HIVEP3: variants seen among roughly 807,000 people sequenced by gnomAD.
HIVEP3 encodes HIVEP zinc finger 3.
Under a neutral mutation model 152.8 loss-of-function variants are expected in HIVEP3, and 49 were observed. The observed-to-expected ratio is 0.32, with a 90% CI of 0.26 to 0.41. The LOEUF (loss-of-function observed/expected upper bound fraction) is 0.41. HIVEP3 is among the 10% of genes least tolerant of loss of function. The pLI, the probability that HIVEP3 is intolerant of heterozygous loss-of-function variation, is 1.00. For missense variants in HIVEP3, 2,790 were observed against 3,103.3 expected (o/e 0.90, Z 2.40); for synonymous variants, 1,269 against 1,289.0 (o/e 0.98, Z 0.33).
chr1:41,976,201 G>A (rs1184740404), intron 1 of HIVEP3, among the ~76,000 whole-genome samples: 4 of 152,204 alleles, frequency 2.6e-5, no homozygotes, highest in Admixed American at 2.6e-4. Context: ...CACCACTCTT[G>A]CCGTACCTTT....
intron 5 of HIVEP3, among the ~76,000 whole-genome samples, chr1:41,527,870 G>A (rs11811391): frequency 0.029 from 1,644 of 57,198 alleles, 46 homozygotes; most frequent in African/African-American, 0.1. Context: ...CACCCCTGTC[G>A]TCACACATTC....
intron 2 of HIVEP3, among the ~76,000 whole-genome samples, chr1:41,681,705 T>C (rs372497410): frequency 7.2e-4 from 110 of 152,262 alleles, no homozygotes; most frequent in African/African-American, 2.3e-3. Context: ...CCTAATGGGA[T>C]GGGCAAGTGA....
upstream of HIVEP3, among the ~76,000 whole-genome samples, chr1:41,922,737 A>G (rs973066514): frequency 6.6e-6 from 1 of 152,084 alleles, no homozygotes; most frequent in African/African-American, 2.4e-5. Context: ...ACTTCCATAT[A>G]ATTATAACAA....
chr1:41,667,324 T>C (rs1013975583), intron 2 of HIVEP3, among the ~76,000 whole-genome samples: 2 of 152,240 alleles, frequency 1.3e-5, no homozygotes, highest in Non-Finnish European at 2.9e-5. Context: ...TGGAATAGTT[T>C]TCCCCAAATG....
intron 1 of HIVEP3, among the ~76,000 whole-genome samples, chr1:41,999,029 G>A (rs140755029): frequency 1.7e-3 from 261 of 150,194 alleles, no homozygotes; most frequent in East Asian, 8.1e-3. Context: ...CCAAGAAGCT[G>A]GGACTACAGG....
chr1:41,901,729 G>C (rs1374069494), intron 1 of HIVEP3, among the ~76,000 whole-genome samples: 1 of 152,134 alleles, frequency 6.6e-6, no homozygotes, highest in East Asian at 1.9e-4. Context: ...GCATGCAAGG[G>C]CTGAAGCGGA....
intron 1 of HIVEP3, among the ~76,000 whole-genome samples, chr1:41,812,934 T>C (rs1190003934): frequency 6.6e-6 from 1 of 152,134 alleles, no homozygotes; most frequent in African/African-American, 2.4e-5. Flanking sequence ...TTTCTGGACC[T>C]GGTAAAGTGC....
intron 2 of HIVEP3, among the ~76,000 whole-genome samples, chr1:41,635,124 T>C (rs1645249867): frequency 6.6e-6 from 1 of 152,106 alleles, no homozygotes; most frequent in Non-Finnish European, 1.5e-5. Flanking sequence ...AAATTAGACA[T>C]TAACAAATAG....
chr1:41,795,349 T>C (rs1272748315), intron 1 of HIVEP3, among the ~76,000 whole-genome samples: 1 of 152,262 alleles, frequency 6.6e-6, no homozygotes, highest in Non-Finnish European at 1.5e-5. Context: ...TGTGGGTTTT[T>C]GGAGGAATGT....
At chr1:41,905,719 A>T (rs1026735791) in intron 1 of HIVEP3, among the ~76,000 whole-genome samples, 3 of 152,200 alleles carry the variant, frequency 2.0e-5, no homozygotes, top group Non-Finnish European at 2.9e-5. Context: ...AGGGTGTCAA[A>T]CAGGTCAACA....
chr1:41,919,956 G>A (rs1644927135), upstream of HIVEP3, among the ~76,000 whole-genome samples: 1 of 152,140 alleles, frequency 6.6e-6, no homozygotes, highest in African/African-American at 2.4e-5. Flanking sequence ...AGCGGCAGTG[G>A]CTCACCTCGG....
intron 5 of HIVEP3, among the ~76,000 whole-genome samples, chr1:41,545,294 C>T (rs1349055519): frequency 4.6e-4 from 61 of 132,524 alleles, no homozygotes; most frequent in African/African-American, 1.7e-3. Flanking sequence ...CCACCACCAT[C>T]ACCACCTCTA....
intron 1 of HIVEP3, among the ~76,000 whole-genome samples, chr1:42,018,804 A>G (rs1046287673): frequency 6.6e-6 from 1 of 152,020 alleles, no homozygotes. Context: ...GTTTCCTCCC[A>G]TATATTTACC....
intron 2 of HIVEP3, among the ~76,000 whole-genome samples, chr1:41,648,589 TC>T (rs1209609356): frequency 2.6e-5 from 4 of 152,230 alleles, no homozygotes; most frequent in African/African-American, 9.7e-5. Flanking sequence ...GCTCAAGGTG[TC>T]TCCAATTTTT....
At chr1:41,756,556 T>C (rs1647316843) in intron 1 of HIVEP3, among the ~76,000 whole-genome samples, 1 of 152,202 alleles carries the variant, frequency 6.6e-6, no homozygotes, top group South Asian at 2.1e-4. Context: ...TTCAAAGTTG[T>C]TTATAACAGT....
chr1:41,557,547 C>T (rs1194611249), intron 5 of HIVEP3, among the ~76,000 whole-genome samples: 1 of 152,124 alleles, frequency 6.6e-6, no homozygotes, highest in African/African-American at 2.4e-5. Flanking sequence ...AATGAAGGCG[C>T]AGGCTCTGGA....
chr1:41,980,373 A>G (rs1645287565), intron 1 of HIVEP3, among the ~76,000 whole-genome samples: 2 of 152,272 alleles, frequency 1.3e-5, no homozygotes, highest in South Asian at 4.1e-4. Flanking sequence ...TACAGTAGGT[A>G]GTATAATGAA....
At chr1:41,615,942 A>G (rs1266770977) in intron 3 of HIVEP3, among the ~76,000 whole-genome samples, 8 of 149,354 alleles carry the variant, frequency 5.4e-5, no homozygotes, top group Non-Finnish European at 8.8e-5. Flanking sequence ...TAAATATATT[A>G]ATAACTCCAA....
rs572107491 is a variant in HIVEP3, at chr1:41,593,125, CCTT to C, written c.-521-7810_-521-7808del. 3.3e-3 allele frequency among the ~76,000 whole-genome samples: 509 copies of C among 152,336 alleles called. 2 individuals carry two copies. Among genetic ancestry groups the C allele is most frequent in the Non-Finnish European group, 5.4e-3 (370 of 68,034 alleles). On this transcript the variant is annotated intron_variant, in intron 3 of 8. Transcript: ENST00000372583. ...GAACAGAAATGCTGGGGAACTTTCT[CCTT>C]CTTTTAAACGAAAATTCTTAAATGA...
Sources: allele counts gnomAD v4.1 joint callset (sites outside exome capture counted in the v4.1 genomes callset), GRCh38; gene constraint gnomAD v4.1.1; transcripts MANE v1.5; gene names NCBI Gene and HGNC (gene_info 2026-07-23, HGNC 2026-07-21).